SH3RF3: variants seen among roughly 807,000 people sequenced by gnomAD.
SH3RF3 encodes E3 ubiquitin-protein ligase SH3RF3.
A neutral mutation model predicts 66.3 loss-of-function variants in SH3RF3; 29 were observed. That is an observed-to-expected ratio of 0.44 (90% confidence interval 0.33 to 0.60). SH3RF3 has a LOEUF of 0.60. Among genes scored for constraint, SH3RF3 ranks in the 20% least tolerant of loss-of-function variants. The probability of loss-of-function intolerance (pLI) is 0.04; values close to 1 mark genes in which losing one functional copy is unlikely to be tolerated. For synonymous variants in SH3RF3, 583 were observed against 532.0 expected, an observed-to-expected ratio of 1.10 and a Z score of -1.32; for missense variants, 1,194 against 1,190.9, an observed-to-expected ratio of 1.00 and a Z score of -0.04.
chr2:109,268,839 T>C (rs576767661), intron 1 of SH3RF3, among the ~76,000 whole-genome samples: 1 of 152,266 alleles, frequency 6.6e-6, no homozygotes, highest in South Asian at 2.1e-4. Flanking sequence ...TGCTATGAGG[T>C]TTGCCAGGTT....
chr2:109,471,324 A>T (rs368014199), intron 8 of SH3RF3, among the ~76,000 whole-genome samples: 13 of 152,242 alleles, frequency 8.5e-5, no homozygotes, highest in African/African-American at 3.1e-4. Context: ...ACTTACAATC[A>T]TGGCGGAAGG....
At chr2:109,455,417 A>G (rs1678024163) in intron 8 of SH3RF3, among the ~76,000 whole-genome samples, 2 of 152,234 alleles carry the variant, frequency 1.3e-5, no homozygotes, top group African/African-American at 4.8e-5. Flanking sequence ...AGAGGACCTG[A>G]CAGAATGACC....
chr2:109,493,154 C>T (rs1679175758), intron 9 of SH3RF3, among the ~76,000 whole-genome samples: 1 of 130,560 alleles, frequency 7.7e-6, no homozygotes. Flanking sequence ...TCATACAAAA[C>T]ACATACACCA....
At chr2:109,241,788 T>C (rs961732548) in intron 1 of SH3RF3, among the ~76,000 whole-genome samples, 1 of 151,256 alleles carries the variant, frequency 6.6e-6, no homozygotes, top group African/African-American at 2.4e-5. Context: ...TTTTTTGAGA[T>C]GGAGTCTTGC....
At chr2:109,311,433 A>C (rs1406971475) in intron 1 of SH3RF3, among the ~76,000 whole-genome samples, 2 of 144,936 alleles carry the variant, frequency 1.4e-5, no homozygotes, top group Non-Finnish European at 3.0e-5. Context: ...AAACTGGCAC[A>C]AGACAGGGAT....
chr2:109,442,655 T>A (rs977067766), intron 7 of SH3RF3, among the ~76,000 whole-genome samples: 10 of 152,158 alleles, frequency 6.6e-5, no homozygotes, highest in African/African-American at 2.4e-4. Flanking sequence ...TGTTATGAAA[T>A]CATTTGTAAA....
At chr2:109,438,093 G>A (rs773086245) in intron 7 of SH3RF3, among the ~76,000 whole-genome samples, 16 of 152,208 alleles carry the variant, frequency 1.1e-4, no homozygotes, top group Non-Finnish European at 1.6e-4. Context: ...TAACGAACAC[G>A]ATGACCCATT....
chr2:109,408,674 C>T (rs1008921502), intron 4 of SH3RF3, among the ~76,000 whole-genome samples: 12 of 152,234 alleles, frequency 7.9e-5, no homozygotes, highest in African/African-American at 2.7e-4. Context: ...GATGGATAGA[C>T]GGACACACTG....
chr2:109,415,909 G>A (rs997644461), intron 4 of SH3RF3, among the ~76,000 whole-genome samples: 1 of 152,116 alleles, frequency 6.6e-6, no homozygotes, highest in Non-Finnish European at 1.5e-5. Flanking sequence ...GGTCACAAGG[G>A]CAAGGCTGAA....
At chr2:109,147,925 T>G (rs1412328015) in intron 1 of SH3RF3, among the ~76,000 whole-genome samples, 1 of 152,240 alleles carries the variant, frequency 6.6e-6, no homozygotes, top group Non-Finnish European at 1.5e-5. Flanking sequence ...AGTTCATCTC[T>G]TTAAATGAAG....
chr2:109,134,166 G>A (rs915611893), intron 1 of SH3RF3, among the ~76,000 whole-genome samples: 2 of 152,184 alleles, frequency 1.3e-5, no homozygotes, highest in African/African-American at 4.8e-5. Context: ...CCAAGTGGCT[G>A]GTATAATTAT....
intron 1 of SH3RF3, among the ~76,000 whole-genome samples, chr2:109,177,800 A>G (rs1677957545): frequency 6.6e-6 from 1 of 152,252 alleles, no homozygotes; most frequent in South Asian, 2.1e-4. Context: ...AAAGCCTATT[A>G]GACAAGGCAA....
intron 1 of SH3RF3, among the ~76,000 whole-genome samples, chr2:109,283,573 G>A (rs749743499): frequency 2.4e-4 from 36 of 152,156 alleles, no homozygotes; most frequent in Non-Finnish European, 4.6e-4. Context: ...GCAGGATGGG[G>A]GCACACTTCA....
At chr2:109,414,460 C>G (rs1676671895) in intron 4 of SH3RF3, among the ~76,000 whole-genome samples, 1 of 152,116 alleles carries the variant, frequency 6.6e-6, no homozygotes, top group Non-Finnish European at 1.5e-5. Context: ...GCCCCTGTTA[C>G]CATCATGGTC....
intron 3 of SH3RF3, among the ~76,000 whole-genome samples, chr2:109,380,724 A>G (rs1683491934): frequency 6.6e-6 from 1 of 152,164 alleles, no homozygotes; most frequent in African/African-American, 2.4e-5. Context: ...CTTGTGCCAT[A>G]GTTCCTGAGG....
intron 1 of SH3RF3, among the ~76,000 whole-genome samples, chr2:109,244,847 C>T (rs781726614): frequency 8.5e-5 from 13 of 152,300 alleles, no homozygotes; most frequent in Non-Finnish European, 1.3e-4. Flanking sequence ...GTTTTACACA[C>T]CTTTCCCACT....
At position 109,322,816 on chromosome 2, in the gene SH3RF3, A is replaced by C. The variant is rs143432160; in HGVS notation, c.574-24858A>C. On this transcript the variant is annotated intron_variant, in intron 1 of 9. Transcript: ENST00000309415. ...CAGAAATCAGGCTTCTGGTGCCTGC[A>C]AATCTCCCCACATCAGGATATGGGC... Among the ~76,000 whole-genome samples the C allele has an allele frequency of 4.5e-4, 69 of 152,368 alleles. No individual in the cohort carries two copies. The East Asian group carries it at 0.012, about 27-fold the overall frequency.
chr2:109,220,224 T>C (rs919020709), intron 1 of SH3RF3, among the ~76,000 whole-genome samples: 2 of 152,220 alleles, frequency 1.3e-5, no homozygotes, highest in African/African-American at 4.8e-5. Context: ...GATATTCTTA[T>C]GCAAAACAAT....
rs551348669 is a variant in SH3RF3, at chr2:109,312,360, G to A, written c.574-35314G>A. The stretch of plus-strand genomic sequence containing the variant: ...TAACAAGTTTAACGGGTTTTTTATT[G>A]TGGTATAATACTTATAACATGAAAG... On this transcript the variant is annotated intron_variant, in intron 1 of 9. Transcript: ENST00000309415. Among the ~76,000 whole-genome samples, 6 of 152,218 alleles carry A rather than the reference G, an allele frequency of 3.9e-5. No individual in the cohort carries two copies. In the South Asian group the frequency reaches 1.2e-3, roughly 32 times the overall value.
Sources: gnomAD v4.1 joint callset for allele counts (sites outside exome capture counted in the v4.1 genomes callset) on GRCh38, gnomAD v4.1.1 for gene constraint, MANE v1.5 for transcripts, NCBI Gene and HGNC (gene_info 2026-07-23, HGNC 2026-07-21) for gene names.